DST: variants seen among roughly 807,000 people sequenced by gnomAD.
The protein encoded by DST is dystonin.
In DST, 253 loss-of-function variants were observed where a neutral mutation model predicts 875.2. That is an observed-to-expected ratio of 0.29 (90% CI 0.26 to 0.32). The LOEUF (loss-of-function observed/expected upper bound fraction) is 0.32. DST is among the 10% of genes least tolerant of loss of function. The pLI is 1.00. For synonymous variants in DST, 3,124 were observed against 3,197.1 expected (o/e 0.98, Z 0.77); for missense variants, 8,287 against 9,111.6 (o/e 0.91, Z 3.68).
intron 4 of DST, among the ~76,000 whole-genome samples, chr6:56,838,340 A>G (rs2099796094): frequency 6.6e-6 from 1 of 152,226 alleles, no homozygotes; most frequent in South Asian, 2.1e-4. Context: ...AATTGCATGA[A>G]GATGCTTTGG....
At chr6:56,493,181 T>C (rs754498189) in intron 83 of DST, 92 bp from the exon 84 acceptor site, 74 of 1,126,002 alleles carry the variant, frequency 6.6e-5, no homozygotes, top group Non-Finnish European at 8.2e-5. Context: ...ATTCCTTTCC[T>C]ATCCCCACTT....
chr6:56,928,887 A>T (rs1231730847), intron 2 of DST, among the ~76,000 whole-genome samples: 1 of 152,132 alleles, frequency 6.6e-6, no homozygotes, highest in Non-Finnish European at 1.5e-5. Flanking sequence ...CATGAAAAAA[A>T]CTCTGCCAAA....
chr6:56,620,753 T>C (rs1407978521), intron 36 of DST: 1 of 1,560,360 alleles, frequency 6.4e-7, no homozygotes, highest in South Asian at 1.1e-5. Flanking sequence ...GCCTGTTCTG[T>C]TCAAAATATC....
At chr6:56,499,806 G>A (rs2096060250) in intron 80 of DST, among the ~76,000 whole-genome samples, 1 of 152,058 alleles carries the variant, frequency 6.6e-6, no homozygotes, top group East Asian at 1.9e-4. Context: ...TAAGACAGTT[G>A]ATAGGTTTAT....
intron 4 of DST, among the ~76,000 whole-genome samples, chr6:56,846,908 TG>T (rs1562156243): frequency 7.0e-6 from 1 of 143,626 alleles, no homozygotes. Context: ...GAGGCTATGG[TG>T]GGAGGATCGC....
chr6:56,944,829 C>T (rs1294184836), intron 2 of DST, among the ~76,000 whole-genome samples: 1 of 152,196 alleles, frequency 6.6e-6, no homozygotes, highest in Non-Finnish European at 1.5e-5. Context: ...TTTATAGTGA[C>T]AGATGGCCTG....
chr6:56,786,138 G>A (rs1260890524), intron 4 of DST, among the ~76,000 whole-genome samples: 2 of 152,150 alleles, frequency 1.3e-5, no homozygotes, highest in Non-Finnish European at 2.9e-5. Context: ...GTGCATATAT[G>A]AGTGTGTGTC....
rs1162641793 is a variant in DST, at chr6:56,656,053, C to CA, written c.1215-4810dup. 2.4e-4 allele frequency among the ~76,000 whole-genome samples: 37 copies of CA among 152,324 alleles called. 1 individual carries two copies. The highest frequency in any genetic ancestry group is 2.1e-3 in the Admixed American group (32 of 15,306). On this transcript the variant is annotated intron_variant, in intron 10 of 103. Coordinates refer to ENST00000680361, the MANE Select transcript of DST (RefSeq NM_001374736.1). ...TGGGGACTGGGACATATCAGTGTTT[C>CA]AAATTCCTGGAGATATGTTCCATCC...
intron 82 of DST, 103 bp downstream of exon 82, chr6:56,497,276 A>G: frequency 7.4e-7 from 1 of 1,344,488 alleles, no homozygotes; most frequent in Admixed American, 2.1e-5. Context: ...GCCATAAACT[A>G]TATCTTTAAA....
At chr6:56,954,070 C>T (rs1024816631) in intron 1 of DST, among the ~76,000 whole-genome samples, 15 of 152,358 alleles carry the variant, frequency 9.8e-5, no homozygotes, top group African/African-American at 3.4e-4. Flanking sequence ...TACTTTCTTA[C>T]CCCTACGCTC....
rs1182682217 is a variant in DST at position 56,704,341 on chromosome 6, T to A, written c.716A>T (p.Glu239Val). ...CAAATTGTGTCCATCCCTTAAGTCTTCATAGAGATCATTCACATGTTTTCG... is the reference window on the plus strand; with the variant it reads ...CAAATTGTGTCCATCCCTTAAGTCTACATAGAGATCATTCACATGTTTTCG... Reference protein sequence around the residue: ...KVRKHVNDLYEDLRDGHNLIS... With the variant: ...KVRKHVNDLYVDLRDGHNLIS... Residue 239 changes from glutamate (E) to valine (V), a missense_variant, in exon 6 of 104, where the codon GAA (glutamate) becomes GTA (valine). Coordinates refer to ENST00000680361, the MANE Select transcript of DST (RefSeq NM_001374736.1). 1 of 1,573,538 alleles carries A rather than the reference T, an allele frequency of 6.4e-7. No individual in the cohort carries two copies. Among genetic ancestry groups the A allele is most frequent in the Non-Finnish European group, 8.6e-7 (1 of 1,158,080 alleles).
chr6:56,529,753 T>C lies in DST; in HGVS notation c.17290A>G (p.Asn5764Asp), dbSNP rs370194965. The C allele has an allele frequency of 6.3e-7, 1 of 1,587,486 alleles. No individual in the cohort carries two copies. The highest frequency in any genetic ancestry group is 8.6e-7 in the Non-Finnish European group (1 of 1,167,956). ...GCCTGGTGTAAATGTTTATTGTGAT[T>C]GATGATGTCATCTTCTAAGGCCTAA... ...QHKALEDDII[N>D]HNKHLHQAVS... The change falls in exon 66 of 104, where the codon AAT becomes GAT. Residue 5764 changes from asparagine to aspartate, a missense_variant. Asn to Asp is a conservative substitution (Grantham distance 23). Transcript: ENST00000680361.
chr6:56,886,292 G>A (rs1784641738), intron 3 of DST, among the ~76,000 whole-genome samples: 1 of 152,124 alleles, frequency 6.6e-6, no homozygotes, highest in South Asian at 2.1e-4. Flanking sequence ...GGATGAGAGA[G>A]GTCTGCTTCT....
At chr6:56,897,200 A>G (rs1184739624) in intron 3 of DST, among the ~76,000 whole-genome samples, 1 of 149,930 alleles carries the variant, frequency 6.7e-6, no homozygotes, top group Non-Finnish European at 1.5e-5. Context: ...AAACTTTTCT[A>G]TTTGTTGAGA....
At chr6:56,717,139 T>C (rs2099397985) in intron 5 of DST, among the ~76,000 whole-genome samples, 2 of 152,050 alleles carry the variant, frequency 1.3e-5, no homozygotes, top group South Asian at 4.2e-4. Context: ...GCCGAGATCG[T>C]GCCACTGCAC....
Position 56,485,949 on chromosome 6 carries a change from C to T in DST, c.21048-478G>A, listed in dbSNP as rs529055484. Among the ~76,000 whole-genome samples the T allele has an allele frequency of 5.0e-4, 76 of 152,284 alleles. 1 individual carries two copies. In the South Asian group the frequency reaches 0.015, roughly 31 times the overall value. On this transcript the variant is annotated intron_variant, in intron 87 of 103. Coordinates refer to ENST00000680361, the MANE Select transcript of DST (RefSeq NM_001374736.1). ...ACGCCCTGCCCCCGCCTTCAAACCC[C>T]TAGCATTCATTGATCCGTTTGTCAG...
At chr6:56,671,931 A>C (rs933353648) in intron 9 of DST, among the ~76,000 whole-genome samples, 1 of 152,240 alleles carries the variant, frequency 6.6e-6, no homozygotes, top group Non-Finnish European at 1.5e-5. Context: ...TTGTAAGTCA[A>C]CTTCCTTATC....
intron 5 of DST, among the ~76,000 whole-genome samples, chr6:56,725,841 T>C (rs374045529): frequency 2.6e-5 from 4 of 152,292 alleles, no homozygotes; most frequent in South Asian, 4.1e-4. Context: ...AAGAACTCTA[T>C]ACATATGCAG....
chr6:56,472,903 T>C (rs767939123), intron 93 of DST, among the ~76,000 whole-genome samples: 4 of 152,204 alleles, frequency 2.6e-5, no homozygotes, highest in Non-Finnish European at 4.4e-5. Context: ...ATTTTTCTCA[T>C]CTTACTAAAT....
Sources: gnomAD v4.1 joint callset for allele counts (sites outside exome capture counted in the v4.1 genomes callset) on GRCh38, gnomAD v4.1.1 for gene constraint, MANE v1.5 for transcripts, NCBI Gene and HGNC (gene_info 2026-07-23, HGNC 2026-07-21) for gene names.